RBMS1: variants seen among roughly 807,000 people sequenced by gnomAD.
RBMS1 encodes the protein RNA binding motif single stranded interacting protein 1.
Under a neutral mutation model 62.3 loss-of-function variants are expected in RBMS1, and 17 were observed. The observed-to-expected ratio is 0.27, with a 90% CI of 0.19 to 0.41. The LOEUF is 0.41. Ranked by LOEUF, RBMS1 falls within the 10% of genes least tolerant of loss-of-function variation. The probability of loss-of-function intolerance (pLI) is 1.00; values close to 1 mark genes in which losing one functional copy is unlikely to be tolerated. For synonymous variants in RBMS1, 172 were observed against 170.0 expected (o/e 1.01, Z -0.09); for missense variants, 334 against 504.5 (o/e 0.66, Z 3.24).
chr2:160,285,134 G>A (rs1002982963), intron 7 of RBMS1, 90 bp from the exon 8 acceptor site: 1 of 1,281,964 alleles, frequency 7.8e-7, no homozygotes, highest in Non-Finnish European at 1.1e-6. Flanking sequence ...GTGTGCACCT[G>A]TAGTCCCAGC....
intron 1 of RBMS1, among the ~76,000 whole-genome samples, chr2:160,412,773 C>T (rs998726565): frequency 3.9e-5 from 6 of 152,172 alleles, no homozygotes; most frequent in African/African-American, 1.4e-4. Context: ...CAGAAAGAAG[C>T]ATTGTGCAGA....
At chr2:160,352,533 T>C (rs576386402) in intron 2 of RBMS1, among the ~76,000 whole-genome samples, 86 of 152,310 alleles carry the variant, frequency 5.6e-4, no homozygotes, top group African/African-American at 9.9e-4. Flanking sequence ...GTTAACTTAC[T>C]GATGACCACA....
intron 1 of RBMS1, among the ~76,000 whole-genome samples, chr2:160,396,550 C>CTTTTTTTT (rs59600753): frequency 1.3e-3 from 99 of 77,852 alleles, no homozygotes; most frequent in Non-Finnish European, 1.6e-3. Flanking sequence ...TTCTTTTTAT[C>CTTTTTTTT]TTTTTTTTTT....
intron 2 of RBMS1, among the ~76,000 whole-genome samples, chr2:160,365,351 G>A (rs929400026): frequency 2.6e-5 from 4 of 152,180 alleles, no homozygotes; most frequent in African/African-American, 9.6e-5. Flanking sequence ...TGCAAGTGAC[G>A]GGAGAGAGTG....
chr2:160,419,448 C>G (rs1234047414), intron 1 of RBMS1, among the ~76,000 whole-genome samples: 1 of 152,156 alleles, frequency 6.6e-6, no homozygotes, highest in African/African-American at 2.4e-5. Flanking sequence ...AGTCCCATGT[C>G]TACTCCTAGG....
intron 1 of RBMS1, among the ~76,000 whole-genome samples, chr2:160,370,448 C>T (rs1693663327): frequency 6.6e-6 from 1 of 152,168 alleles, no homozygotes; most frequent in Non-Finnish European, 1.5e-5. Context: ...GCCTGGCCAC[C>T]ATGGTGAAAC....
At chr2:160,289,187 A>G (rs1488116414) in intron 6 of RBMS1, among the ~76,000 whole-genome samples, 1 of 152,226 alleles carries the variant, frequency 6.6e-6, no homozygotes, top group Admixed American at 6.5e-5. Context: ...GGGAGTGATG[A>G]CATGTTTGCA....
chr2:160,432,044 T>A (rs1401197668), intron 1 of RBMS1, among the ~76,000 whole-genome samples: 1 of 152,222 alleles, frequency 6.6e-6, no homozygotes, highest in African/African-American at 2.4e-5. Context: ...TAGTACAGAA[T>A]AGGTATTCAA....
chr2:160,349,005 G>T (rs1054105436), intron 2 of RBMS1, among the ~76,000 whole-genome samples: 2 of 152,126 alleles, frequency 1.3e-5, no homozygotes, highest in Non-Finnish European at 2.9e-5. Context: ...AAGATGAAGA[G>T]AAATCCTTTA....
intron 2 of RBMS1, among the ~76,000 whole-genome samples, chr2:160,358,730 T>C (rs892122865): frequency 1.1e-4 from 17 of 152,256 alleles, no homozygotes; most frequent in African/African-American, 3.8e-4. Flanking sequence ...TAACCCAATT[T>C]TCACTTTTTG....
At chr2:160,449,450 G>A (rs928314308) in intron 1 of RBMS1, among the ~76,000 whole-genome samples, 4 of 152,262 alleles carry the variant, frequency 2.6e-5, no homozygotes, top group Admixed American at 1.3e-4. Flanking sequence ...GAAAGAAGTA[G>A]ACATGGGAGA....
chr2:160,287,131 T>C, intron 6 of RBMS1, 47 bp from the exon 7 acceptor site: 1 of 1,605,204 alleles, frequency 6.2e-7, no homozygotes, highest in South Asian at 1.1e-5. Context: ...GATACGTGTA[T>C]GTGGATGACA....
chr2:160,376,739 A>C (rs1694019525), intron 1 of RBMS1, among the ~76,000 whole-genome samples: 1 of 152,046 alleles, frequency 6.6e-6, no homozygotes. Context: ...GGGCTCAAGT[A>C]ATCCTCCTGT....
intron 1 of RBMS1, among the ~76,000 whole-genome samples, chr2:160,416,443 C>T (rs1033145702): frequency 6.6e-6 from 1 of 152,090 alleles, no homozygotes; most frequent in Non-Finnish European, 1.5e-5. Flanking sequence ...CTTCTGAAGA[C>T]ATTTACATTT....
chr2:160,377,461 G>T (rs1348341495), intron 1 of RBMS1, among the ~76,000 whole-genome samples: 2 of 152,188 alleles, frequency 1.3e-5, no homozygotes, highest in Non-Finnish European at 2.9e-5. Flanking sequence ...TCTAACACAA[G>T]CTTCCAGGTT....
Position 160,299,792 on chromosome 2 carries a change from T to C in RBMS1, c.640+859A>G, listed in dbSNP as rs1486194832. Among the ~76,000 whole-genome samples the C allele has an allele frequency of 2.0e-5, 3 of 152,024 alleles. No individual in the cohort carries two copies. The East Asian group carries it at 5.8e-4, about 29-fold the overall frequency. ...ACTTGAGATTAGGGAGGGGGTTAGGTAGGGGACTGAGCAGGCTGGGGAAAT... is the reference window on the plus strand; with the variant it reads ...ACTTGAGATTAGGGAGGGGGTTAGGCAGGGGACTGAGCAGGCTGGGGAAAT... On this transcript the variant is annotated intron_variant, in intron 6 of 13. Transcript: ENST00000348849.
intron 1 of RBMS1, among the ~76,000 whole-genome samples, chr2:160,459,380 A>T (rs541285352): frequency 6.6e-6 from 1 of 152,288 alleles, no homozygotes; most frequent in Admixed American, 6.5e-5. Flanking sequence ...CTTTTACTTG[A>T]TCCTCCATGA....
intron 1 of RBMS1, among the ~76,000 whole-genome samples, chr2:160,395,715 A>T (rs1695105900): frequency 6.6e-6 from 1 of 152,134 alleles, no homozygotes; most frequent in African/African-American, 2.4e-5. Flanking sequence ...CTGTAATAAC[A>T]TCTCCATAGT....
chr2:160,431,171 G>A lies in RBMS1; in HGVS notation c.75+62118C>T, dbSNP rs973992747. Among the ~76,000 whole-genome samples the A allele has an allele frequency of 5.5e-5, 8 of 144,438 alleles. 1 individual carries two copies. Among genetic ancestry groups the A allele is most frequent in the Non-Finnish European group, 1.1e-4 (7 of 65,330 alleles). The allele number at this position is 144,438 out of a possible 152,430, so 94.8% of individuals were successfully genotyped here. On this transcript the variant is annotated intron_variant, in intron 1 of 13. Coordinates refer to ENST00000348849, the MANE Select transcript of RBMS1 (RefSeq NM_016836.4). ...TCTAATAAAATTAGACTATTGCCTA[G>A]GTAACCCAGGCCATTCTTGGATTTA... is the stretch of plus-strand genomic sequence containing the variant.
Sources: gnomAD v4.1 joint callset for allele counts (sites outside exome capture counted in the v4.1 genomes callset) on GRCh38, gnomAD v4.1.1 for gene constraint, MANE v1.5 for transcripts, NCBI Gene and HGNC (gene_info 2026-07-23, HGNC 2026-07-21) for gene names.